DNAH5: variants seen among roughly 807,000 people sequenced by gnomAD.
The protein encoded by DNAH5 is axonemal beta dynein heavy chain 5.
A neutral mutation model predicts 518.2 loss-of-function variants in DNAH5; 372 were observed. That is an observed-to-expected ratio of 0.72 (90% CI 0.66 to 0.78). The LOEUF is 0.78. DNAH5 is among the 30% of genes least tolerant of loss of function. DNAH5 has a pLI of 0.00. For synonymous variants in DNAH5, 2,039 were observed against 2,025.9 expected (o/e 1.01, Z -0.17); for missense variants, 5,523 against 5,687.0 (o/e 0.97, Z 0.93).
intron 1 of DNAH5, among the ~76,000 whole-genome samples, chr5:13,971,448 C>T (rs1241531019): frequency 6.6e-6 from 1 of 152,128 alleles, no homozygotes; most frequent in Non-Finnish European, 1.5e-5. Flanking sequence ...TGTTCAGATT[C>T]TTTTGTCCCA....
chr5:13,952,716 T>A (rs1780508364), intron 1 of DNAH5, among the ~76,000 whole-genome samples: 1 of 152,220 alleles, frequency 6.6e-6, no homozygotes, highest in Non-Finnish European at 1.5e-5. Flanking sequence ...TACTCCACTA[T>A]CAAGAAAACA....
intron 12 of DNAH5, among the ~76,000 whole-genome samples, chr5:13,904,476 ATAT>A (rs1159056372): frequency 1.3e-5 from 2 of 148,948 alleles, no homozygotes; most frequent in African/African-American, 4.9e-5. Context: ...ATATATAAGG[ATAT>A]TATATATAAA....
Position 13,871,737 on chromosome 5 carries a change from T to C in DNAH5, c.3425A>G (p.Lys1142Arg). Residue 1142 changes from lysine (K) to arginine (R), a missense_variant, in exon 23 of 79, where the codon AAA becomes AGA. Coordinates refer to ENST00000265104, the MANE Select transcript of DNAH5 (RefSeq NM_001369.3). The part of the protein sequence containing the change: ...KEVITSMDCF[K>R]RYNHIWQKGK... ...CTTTTGCCAAATGTGATTGTAGCGT[T>C]TGAAGCAATCCATGGATGTAATAAC... is the stretch of plus-strand genomic sequence containing the variant. The C allele has an allele frequency of 6.2e-7, 1 of 1,613,718 alleles. No homozygotes were observed.
rs369455386 is a variant in DNAH5, at chr5:13,786,235, G to A, written c.8764C>T (p.Arg2922Cys). 41 of 1,613,862 alleles carry A rather than the reference G, an allele frequency of 2.5e-5. 2 individuals are homozygous for A. In the Middle Eastern group the frequency reaches 1.2e-3, roughly 45 times the overall value. The change falls in exon 52 of 79, where the codon CGT becomes TGT. Residue 2922 changes from arginine to cysteine, a missense_variant. By Grantham distance (180) the Arg-to-Cys change is radical. This residue lies in a region of DNAH5 where 5,121 missense variants were observed against 5,223.3 expected (regional missense o/e 0.98). Coordinates refer to ENST00000265104, the MANE Select transcript of DNAH5 (RefSeq NM_001369.3). Reference protein sequence around the residue: ...MFLQLYNESIRGAGMDMVFFA... With the variant: ...MFLQLYNESICGAGMDMVFFA... ...AACACCATGTCCATGCCGGCGCCAC[G>A]GATGCTCTCATTATAGAGCTGCAGG...
chr5:13,831,026 G>C (rs185797897), intron 35 of DNAH5, among the ~76,000 whole-genome samples: 1 of 152,316 alleles, frequency 6.6e-6, no homozygotes, highest in East Asian at 1.9e-4. Context: ...TTTCTTTACT[G>C]CTGAATTTTT....
intron 1 of DNAH5, among the ~76,000 whole-genome samples, chr5:14,004,386 G>T (rs1055663177): frequency 1.1e-4 from 17 of 152,218 alleles, no homozygotes; most frequent in African/African-American, 3.9e-4. Flanking sequence ...AAGGTAAAAG[G>T]CCTGAGTACC....
intron 1 of DNAH5, among the ~76,000 whole-genome samples, chr5:14,003,742 C>A (rs986964721): frequency 6.6e-6 from 1 of 152,198 alleles, no homozygotes; most frequent in South Asian, 2.1e-4. Flanking sequence ...AGTGATGCGG[C>A]CAAGCCTTGC....
chr5:13,791,205 G>A (rs1226467463), intron 50 of DNAH5, among the ~76,000 whole-genome samples: 3 of 152,086 alleles, frequency 2.0e-5, no homozygotes, highest in Non-Finnish European at 4.4e-5. Context: ...GAACAGTTTT[G>A]TTGATAATTT....
chr5:13,727,719 T>C (rs1367307665), intron 69 of DNAH5, 63 bp from the exon 70 acceptor site: 3 of 1,574,474 alleles, frequency 1.9e-6, no homozygotes, highest in Non-Finnish European at 2.6e-6. Context: ...TAACAGGTCA[T>C]AGATATGTTT....
chr5:13,971,797 T>C (rs1781890579), intron 1 of DNAH5, among the ~76,000 whole-genome samples: 1 of 152,058 alleles, frequency 6.6e-6, no homozygotes. Context: ...TCAGTTGTGG[T>C]AGTATAGGGA....
At position 13,944,679 on chromosome 5, in the gene DNAH5, T is replaced by A. The variant is rs191600416; in HGVS notation, c.-241A>T. 2.0e-4 allele frequency: 112 copies of A among 552,316 alleles called. No homozygotes were observed. The highest frequency in any genetic ancestry group is 1.9e-3 in the African/African-American group (102 of 52,948). The allele number at this position is 552,316 out of a possible 1,614,324, so 34.2% of individuals were successfully genotyped here. ...TGGGCCTCTCCTCTCTCTCGAAGCC[T>A]GGTGTTGTTAGGGTAATATTGTTTA... On this transcript the variant is annotated 5_prime_UTR_variant, in exon 1 of 79. Coordinates refer to ENST00000265104, the MANE Select transcript of DNAH5 (RefSeq NM_001369.3).
At chr5:13,852,848 G>GA (rs1284696350) in intron 30 of DNAH5, among the ~76,000 whole-genome samples, 1 of 152,088 alleles carries the variant, frequency 6.6e-6, no homozygotes, top group Admixed American at 6.6e-5. Flanking sequence ...GGGCATCTCT[G>GA]AAAAAAAGGC....
intron 44 of DNAH5, chr5:13,810,584 CAAAAAAAAAAA>C (rs61113976): frequency 1.0e-5 from 1 of 99,730 alleles, no homozygotes; most frequent in Non-Finnish European, 2.0e-5. Context: ...ACTAAAAATA[CAAAAAAAAAAA>C]AAAAAAAAAT....
Position 13,859,550 on chromosome 5 carries a change from A to G in DNAH5, c.4852T>C (p.Ser1618Pro), listed in dbSNP as rs1768087686. 4 of 1,614,116 alleles carry G rather than the reference A, an allele frequency of 2.5e-6. No individual in the cohort carries two copies. Among genetic ancestry groups the G allele is most frequent in the Non-Finnish European group, 3.4e-6 (4 of 1,179,974 alleles). Residue 1618 changes from serine (S) to proline (P), a missense_variant, in exon 30 of 79, where the codon TCA becomes CCA. Transcript: ENST00000265104. Reference sequence around the variant, plus strand: ...ATCCAGCTCTCGATGATGTCTGTTGAGTTGGAAAGGTACTGCACCCATTTT... The same window carrying G: ...ATCCAGCTCTCGATGATGTCTGTTGGGTTGGAAAGGTACTGCACCCATTTT... ...IQKWVQYLSN[S>P]TDIIESWMTV... is the part of the protein sequence containing the mutation.
chr5:13,896,177 C>T (rs1773899200), intron 15 of DNAH5, among the ~76,000 whole-genome samples: 1 of 152,024 alleles, frequency 6.6e-6, no homozygotes, highest in African/African-American at 2.4e-5. Context: ...GAATTCAGAT[C>T]ATGTTACTCC....
chr5:13,753,201 C>T (rs548971516), intron 63 of DNAH5, 32 bp downstream of exon 63: 92 of 1,533,114 alleles, frequency 6.0e-5, no homozygotes, highest in African/African-American at 9.9e-5. Context: ...AAAACTTAAC[C>T]GGTAGCATAA....
At chr5:13,741,076 C>G (rs1391665804) in intron 65 of DNAH5, among the ~76,000 whole-genome samples, 1 of 152,154 alleles carries the variant, frequency 6.6e-6, no homozygotes, top group Non-Finnish European at 1.5e-5. Context: ...CTGAAACACA[C>G]AGTGAACTGG....
chr5:13,729,100 A>G (rs947045815), intron 69 of DNAH5, among the ~76,000 whole-genome samples: 16 of 151,960 alleles, frequency 1.1e-4, no homozygotes, highest in Non-Finnish European at 8.8e-5. Flanking sequence ...AACCTCTAGA[A>G]AGAAGGAAAA....
chr5:13,947,830 G>A (rs1300125782), upstream of DNAH5, among the ~76,000 whole-genome samples: 1 of 152,226 alleles, frequency 6.6e-6, no homozygotes, highest in South Asian at 2.1e-4. Context: ...AATGGCAAAT[G>A]AGTTCAGTGG....
Sources: gnomAD v4.1 joint callset for allele counts (sites outside exome capture counted in the v4.1 genomes callset) on GRCh38, gnomAD v4.1.1 for gene constraint, gnomAD v4.1.1 regional missense constraint, MANE v1.5 for transcripts, NCBI Gene and HGNC (gene_info 2026-07-23, HGNC 2026-07-21) for gene names.